LMO1: variants seen among roughly 807,000 people sequenced by gnomAD.
LMO1 encodes LIM domain only 1.
LMO1 carries 10 observed loss-of-function variants against 18.0 expected under a neutral mutation model. The ratio of observed to expected loss-of-function variants is 0.55; its 90% confidence interval spans 0.34 to 0.94. LMO1 has a LOEUF of 0.94. Among genes scored for constraint, LMO1 ranks in the 40% least tolerant of loss-of-function variants. LMO1 has a pLI of 0.02. For synonymous variants in LMO1, 77 were observed against 77.9 expected (o/e 0.99, Z 0.06); for missense variants, 183 against 205.7 (o/e 0.89, Z 0.68).
chr11:8,230,831 G>A (rs921426361), intron 1 of LMO1, among the ~76,000 whole-genome samples: 2 of 152,208 alleles, frequency 1.3e-5, no homozygotes, highest in African/African-American at 2.4e-5. Flanking sequence ...GGTCTCATCC[G>A]GAGTAAGCCT....
At chr11:8,227,326 G>C (rs1952566625) in intron 2 of LMO1, among the ~76,000 whole-genome samples, 1 of 152,182 alleles carries the variant, frequency 6.6e-6, no homozygotes, top group Admixed American at 6.5e-5. Context: ...TGTGTAGGGG[G>C]TCAGGAGTTG....
intron 1 of LMO1, among the ~76,000 whole-genome samples, chr11:8,236,015 A>C (rs1057313821): frequency 6.6e-6 from 1 of 152,158 alleles, no homozygotes; most frequent in Non-Finnish European, 1.5e-5. Context: ...AGCTCCACCC[A>C]AAGGCCAGTC....
At chr11:8,251,043 G>A (rs1846982994) in intron 1 of LMO1, among the ~76,000 whole-genome samples, 1 of 152,178 alleles carries the variant, frequency 6.6e-6, no homozygotes, top group Admixed American at 6.5e-5. Context: ...TCTCACCTGG[G>A]AAACTGTGTG....
upstream of LMO1, chr11:8,268,710 C>T: frequency 8.1e-6 from 2 of 247,932 alleles, no homozygotes. Context: ...GCAGCAGCTG[C>T]CCGGGCCGGG....
At chr11:8,233,030 G>A (rs1010625616) in intron 1 of LMO1, among the ~76,000 whole-genome samples, 1 of 152,226 alleles carries the variant, frequency 6.6e-6, no homozygotes, top group Non-Finnish European at 1.5e-5. Flanking sequence ...GAAGCTGCCA[G>A]CCGCCGCAGG....
chr11:8,245,654 G>C (rs562050156), intron 1 of LMO1, among the ~76,000 whole-genome samples: 1 of 152,150 alleles, frequency 6.6e-6, no homozygotes, highest in African/African-American at 2.4e-5. Flanking sequence ...CCTCCCTTCC[G>C]GAAGTTCGGA....
intron 1 of LMO1, among the ~76,000 whole-genome samples, chr11:8,261,398 A>C (rs1332653058): frequency 6.6e-6 from 1 of 152,196 alleles, no homozygotes; most frequent in African/African-American, 2.4e-5. Flanking sequence ...CTCAAGGCTC[A>C]TCTGAAACCC....
chr11:8,229,935 C>A (rs537449726), intron 2 of LMO1, among the ~76,000 whole-genome samples: 1 of 152,206 alleles, frequency 6.6e-6, no homozygotes, highest in Non-Finnish European at 1.5e-5. Flanking sequence ...GTTCTCAAAG[C>A]CCCTCTGAGG....
At chr11:8,229,143 C>T (rs752343908) in intron 2 of LMO1, among the ~76,000 whole-genome samples, 3 of 152,112 alleles carry the variant, frequency 2.0e-5, no homozygotes, top group Non-Finnish European at 4.4e-5. Flanking sequence ...CTGCCTCGGC[C>T]TCCCAAAGTG....
In LMO1 at chr11:8,224,584, G is replaced by C; in HGVS notation, c.*32C>G. 1 of 1,412,636 alleles carries C rather than the reference G, an allele frequency of 7.1e-7. No individual in the cohort carries two copies. Among genetic ancestry groups the C allele is most frequent in the South Asian group, 1.2e-5 (1 of 81,916 alleles). 87.5% of individuals were successfully genotyped at this position (1,412,636 alleles called of 1,614,324 possible). On this transcript the variant is annotated 3_prime_UTR_variant, in exon 4 of 4. Coordinates refer to ENST00000335790, the MANE Select transcript of LMO1 (RefSeq NM_002315.3). ...AGGCAGGTGGGCAGGCGGGCAGATG[G>C]ACAGACGGGCCTGGAGGCCAGGCGC...
intron 1 of LMO1, among the ~76,000 whole-genome samples, chr11:8,256,027 G>A (rs1384490142): frequency 6.6e-6 from 1 of 151,752 alleles, no homozygotes; most frequent in Non-Finnish European, 1.5e-5. Flanking sequence ...GGGTTTCACC[G>A]TGTTAGCCAG....
chr11:8,237,467 C>T (rs976069776), intron 1 of LMO1, among the ~76,000 whole-genome samples: 5 of 152,266 alleles, frequency 3.3e-5, no homozygotes, highest in African/African-American at 1.2e-4. Flanking sequence ...CACTGCACTC[C>T]TATTCCAGGG....
At chr11:8,227,600 C>T (rs1256861261) in intron 2 of LMO1, among the ~76,000 whole-genome samples, 1 of 152,218 alleles carries the variant, frequency 6.6e-6, no homozygotes, top group Admixed American at 6.5e-5. Flanking sequence ...CACTAAGCAA[C>T]CACCTAGGTA....
intron 1 of LMO1, among the ~76,000 whole-genome samples, 167 bp from the exon 2 acceptor site, chr11:8,230,671 C>G (rs1174029725): frequency 1.3e-5 from 2 of 152,192 alleles, no homozygotes; most frequent in Non-Finnish European, 2.9e-5. Context: ...CCCCTGGCTC[C>G]GGGTCCTGCC....
At chr11:8,227,840 A>G (rs1400530164) in intron 2 of LMO1, among the ~76,000 whole-genome samples, 1 of 152,104 alleles carries the variant, frequency 6.6e-6, no homozygotes. Flanking sequence ...TTATTATTTG[A>G]TTTTTAAAAA....
chr11:8,224,736 C>G lies in LMO1; in HGVS notation c.366-15G>C. ...CCACACAAAATCTAGAAAATCCAAG[C>G]GAGAGAGAGAAGCCATGGGAAGGTC... On this transcript the variant is annotated splice_polypyrimidine_tract_variant and intron_variant, in intron 3 of 3. Transcript: ENST00000335790. 1 of 1,553,476 alleles carries G rather than the reference C, an allele frequency of 6.4e-7. No individual in the cohort carries two copies. The highest frequency in any genetic ancestry group is 1.2e-5 in the South Asian group (1 of 86,008).
At chr11:8,242,850 C>T (rs1232372102) in intron 1 of LMO1, among the ~76,000 whole-genome samples, 1 of 152,242 alleles carries the variant, frequency 6.6e-6, no homozygotes, top group East Asian at 1.9e-4. Flanking sequence ...GAGAGTCTGG[C>T]AGGAGCTGCA....
At chr11:8,256,046 C>T (rs1425507159) in intron 1 of LMO1, among the ~76,000 whole-genome samples, 1 of 152,008 alleles carries the variant, frequency 6.6e-6, no homozygotes, top group Non-Finnish European at 1.5e-5. Context: ...AGGATGGTCT[C>T]AATCTCCTGA....
chr11:8,228,011 C>T lies in LMO1; in HGVS notation c.240-911G>A, dbSNP rs146797712. Among the ~76,000 whole-genome samples the T allele has an allele frequency of 1.2e-4, 18 of 152,344 alleles. No individual in the cohort carries two copies. The East Asian group carries it at 3.5e-3, about 29-fold the overall frequency. On this transcript the variant is annotated intron_variant, in intron 2 of 3. Coordinates refer to ENST00000335790, the MANE Select transcript of LMO1 (RefSeq NM_002315.3). ...TTAAATCTTTTTTCCATGACAAACTCACTGTGTTACTTGCCTAAGTCCCTT... is the reference window on the plus strand; with the variant it reads ...TTAAATCTTTTTTCCATGACAAACTTACTGTGTTACTTGCCTAAGTCCCTT...
Sources: gnomAD v4.1 joint callset for allele counts (sites outside exome capture counted in the v4.1 genomes callset) on GRCh38, gnomAD v4.1.1 for gene constraint, MANE v1.5 for transcripts, NCBI Gene and HGNC (gene_info 2026-07-23, HGNC 2026-07-21) for gene names.